Variants in CSMD1 observed in about 807,000 individuals in gnomAD.
CSMD1 encodes CUB and Sushi multiple domains 1.
In CSMD1, 213 loss-of-function variants were observed where a neutral mutation model predicts 417.5. The observed-to-expected ratio is 0.51, with a 90% CI of 0.46 to 0.57. The LOEUF is 0.57. CSMD1 is among the 20% of genes least tolerant of loss of function. CSMD1 has a pLI of 0.00. For synonymous variants in CSMD1, 2,862 were observed against 1,736.8 expected, an observed-to-expected ratio of 1.65 and a Z score of -16.11; for missense variants, 6,923 against 4,529.7, an observed-to-expected ratio of 1.53 and a Z score of -15.17.
intron 21 of CSMD1, among the ~76,000 whole-genome samples, chr8:3,350,165 TATA>T (rs1281631939): frequency 7.8e-6 from 1 of 128,502 alleles, no homozygotes; most frequent in Admixed American, 8.4e-5. Flanking sequence ...ATGTGTGTGT[TATA>T]ATACCTATAA....
At chr8:3,991,410 T>A (rs143736486) in intron 5 of CSMD1, among the ~76,000 whole-genome samples, 2 of 152,312 alleles carry the variant, frequency 1.3e-5, no homozygotes, top group South Asian at 2.1e-4. Context: ...TTTAGTCACA[T>A]CTTTATGCGA....
chr8:4,367,223 G>T (rs1802126927), intron 3 of CSMD1, among the ~76,000 whole-genome samples: 1 of 152,082 alleles, frequency 6.6e-6, no homozygotes, highest in Admixed American at 6.5e-5. Flanking sequence ...TTTTTTGTAT[G>T]TGGTGTAAGG....
intron 3 of CSMD1, among the ~76,000 whole-genome samples, chr8:4,187,210 T>A (rs1249527381): frequency 6.6e-6 from 1 of 152,144 alleles, no homozygotes; most frequent in Non-Finnish European, 1.5e-5. Flanking sequence ...TGGATTCTGT[T>A]CAGAGAAAAA....
intron 25 of CSMD1, among the ~76,000 whole-genome samples, chr8:3,299,995 C>G (rs556391525): frequency 6.6e-6 from 1 of 152,040 alleles, no homozygotes; most frequent in African/African-American, 2.4e-5. Flanking sequence ...ATGAAAAGTG[C>G]CCTGGAGGTG....
At chr8:4,215,528 G>T (rs752033157) in intron 3 of CSMD1, among the ~76,000 whole-genome samples, 1 of 151,546 alleles carries the variant, frequency 6.6e-6, no homozygotes, top group East Asian at 1.9e-4. Flanking sequence ...TTCTTCCAGA[G>T]ACCAGGATCC....
chr8:4,868,176 A>C (rs1802526477), intron 1 of CSMD1, among the ~76,000 whole-genome samples: 1 of 152,156 alleles, frequency 6.6e-6, no homozygotes, highest in Non-Finnish European at 1.5e-5. Flanking sequence ...ATAAATTTAC[A>C]TATGCAAACT....
intron 3 of CSMD1, among the ~76,000 whole-genome samples, chr8:4,325,773 T>TCCCATTTTAAATGCTGG (rs1799524054): frequency 6.6e-6 from 1 of 152,086 alleles, no homozygotes; most frequent in Non-Finnish European, 1.5e-5. Context: ...CCTCTCCACT[T>TCCCATTTTAAATGCTGG]CCCATTTTAA....
chr8:3,117,597 T>C (rs1816945667), intron 42 of CSMD1, among the ~76,000 whole-genome samples: 1 of 152,204 alleles, frequency 6.6e-6, no homozygotes, highest in Non-Finnish European at 1.5e-5. Context: ...CTATTGCATA[T>C]GCATTCTTCC....
intron 3 of CSMD1, among the ~76,000 whole-genome samples, chr8:4,290,367 A>T (rs1004066052): frequency 1.3e-5 from 2 of 152,164 alleles, no homozygotes; most frequent in African/African-American, 4.8e-5. Flanking sequence ...GAATGGAGGG[A>T]GAGAAGCCCA....
rs138262818 is a variant in CSMD1 at position 3,363,843 on chromosome 8, C to A, written c.3115+3189G>T. Among the ~76,000 whole-genome samples the A allele has an allele frequency of 7.2e-5, 11 of 152,236 alleles. No homozygotes were observed. The East Asian group carries it at 2.1e-3, about 29-fold the overall frequency. On this transcript the variant is annotated intron_variant, in intron 20 of 69. Transcript: ENST00000635120. ...GAGTGGGAAAGTAAGTGTGGAGTAT[C>A]CAGTGCACATAGTTAGCAACTAGTA...
chr8:3,771,359 G>A (rs888012654), intron 5 of CSMD1, among the ~76,000 whole-genome samples: 1 of 152,090 alleles, frequency 6.6e-6, no homozygotes, highest in African/African-American at 2.4e-5. Context: ...AAATTCAGAC[G>A]GCATTGCTTC....
intron 6 of CSMD1, among the ~76,000 whole-genome samples, chr8:3,724,169 A>G (rs1303970089): frequency 6.8e-6 from 1 of 146,220 alleles, no homozygotes; most frequent in East Asian, 2.0e-4. Context: ...TTGCAAAAAT[A>G]GAAAACAATG....
At chr8:3,606,509 T>A (rs56076737) in intron 8 of CSMD1, among the ~76,000 whole-genome samples, 1 of 151,150 alleles carries the variant, frequency 6.6e-6, no homozygotes, top group African/African-American at 2.4e-5. Flanking sequence ...TATAGGGTAC[T>A]CCCTATGAAT....
At chr8:4,837,579 T>C (rs555246611) in intron 1 of CSMD1, among the ~76,000 whole-genome samples, 55 of 152,058 alleles carry the variant, frequency 3.6e-4, no homozygotes, top group African/African-American at 1.2e-3. Flanking sequence ...CTCATGAACA[T>C]AGAGAATACA....
chr8:3,889,237 G>A (rs1806777577), intron 5 of CSMD1, among the ~76,000 whole-genome samples: 1 of 151,524 alleles, frequency 6.6e-6, no homozygotes, highest in South Asian at 2.1e-4. Flanking sequence ...ATTTAATAAT[G>A]ATAAATTAAA....
intron 1 of CSMD1, among the ~76,000 whole-genome samples, chr8:4,841,115 A>T (rs1204627209): frequency 6.6e-6 from 1 of 152,222 alleles, no homozygotes; most frequent in Non-Finnish European, 1.5e-5. Flanking sequence ...CTGCAGAAAC[A>T]ATTGGTATTA....
intron 3 of CSMD1, among the ~76,000 whole-genome samples, chr8:4,385,248 T>C (rs1249847126): frequency 6.6e-6 from 1 of 152,198 alleles, no homozygotes; most frequent in East Asian, 1.9e-4. Context: ...AGTTCTTAAA[T>C]AGGTGTTTGA....
chr8:3,895,420 A>T (rs768500076), intron 5 of CSMD1, among the ~76,000 whole-genome samples: 24 of 152,174 alleles, frequency 1.6e-4, no homozygotes, highest in Admixed American at 6.5e-5. Context: ...CTGTGGCCCT[A>T]TTAACACAAC....
At chr8:4,958,315 A>C (rs957225427) in intron 1 of CSMD1, among the ~76,000 whole-genome samples, 1 of 152,208 alleles carries the variant, frequency 6.6e-6, no homozygotes, top group Admixed American at 6.6e-5. Context: ...ACTTTTACAA[A>C]TATTTCCAAT....
Sources: allele counts gnomAD v4.1 joint callset (sites outside exome capture counted in the v4.1 genomes callset), GRCh38; gene constraint gnomAD v4.1.1; transcripts MANE v1.5; gene names NCBI Gene and HGNC (gene_info 2026-07-23, HGNC 2026-07-21).